The following PKHD1L1 variants were observed in gnomAD, a reference collection of about 807,000 sequenced individuals.
PKHD1L1 encodes the protein PKHD1 like 1, also known as fibrocystin-L.
In PKHD1L1, 434 loss-of-function variants were observed where a neutral mutation model predicts 462.9. The ratio of observed to expected loss-of-function variants is 0.94; its 90% CI spans 0.87 to 1.02. The LOEUF is 1.02. Among genes scored for constraint, PKHD1L1 ranks in the 50% least tolerant of loss-of-function variants. The probability of loss-of-function intolerance (pLI) is 0.00; values close to 1 mark genes in which losing one functional copy is unlikely to be tolerated. For missense variants in PKHD1L1, 5,202 were observed against 5,096.1 expected, an observed-to-expected ratio of 1.02 and a Z score of -0.63; for synonymous variants, 1,781 against 1,750.0, an observed-to-expected ratio of 1.02 and a Z score of -0.44.
chr8:109,457,495 T>C (rs1009254700), intron 46 of PKHD1L1, among the ~76,000 whole-genome samples: 3 of 152,164 alleles, frequency 2.0e-5, no homozygotes, highest in African/African-American at 7.2e-5. Flanking sequence ...AATCTAATTG[T>C]TCACTGTGTC....
At chr8:109,462,620 C>T (rs1817203147) in intron 48 of PKHD1L1, among the ~76,000 whole-genome samples, 1 of 152,120 alleles carries the variant, frequency 6.6e-6, no homozygotes, top group South Asian at 2.1e-4. Flanking sequence ...CAGCTCACTG[C>T]AACTTCCACC....
At chr8:109,415,904 T>G (rs1814143384) in intron 21 of PKHD1L1, among the ~76,000 whole-genome samples, 1 of 148,014 alleles carries the variant, frequency 6.8e-6, no homozygotes, top group South Asian at 2.1e-4. Flanking sequence ...TGTGTGTGTG[T>G]GTAGGAAATC....
Position 109,427,108 on chromosome 8 carries a change from G to A in PKHD1L1, c.2952G>A (p.Ala984=), listed in dbSNP as rs894397230. ...GAGAGGGAACCTGTGCTGGCTACGC[G>A]TGGAACATCAAATGGAGAAGCACCT... The part of the protein sequence containing the change: ...VTREGTCAGY[A]WNIKWRSTCG... Residue 984 remains alanine, a synonymous_variant, in exon 25 of 78, where the codon GCG becomes GCA. Coordinates refer to ENST00000378402, the MANE Select transcript of PKHD1L1 (RefSeq NM_177531.6). 18 of 1,613,804 alleles carry A rather than the reference G, an allele frequency of 1.1e-5. No individual in the cohort carries two copies. Among genetic ancestry groups the A allele is most frequent in the African/African-American group, 1.3e-5 (1 of 74,936 alleles).
Position 109,410,726 on chromosome 8 carries a change from C to CTTTTTTTTTTTTTTTTTTTTTTT in PKHD1L1, c.2085+769_2085+770insTTTTTTTTTTTTTTTTTTTTTTT, listed in dbSNP as rs71303459. On this transcript the variant is annotated intron_variant, in intron 19 of 77. Transcript: ENST00000378402. ...TTCTTTTTTCTTTTCTTTTCTTTTTCTTTTTTTTTTTTTTTTTTTTTGAGA... is the reference window on the plus strand; with the variant it reads ...TTCTTTTTTCTTTTCTTTTCTTTTTCTTTTTTTTTTTTTTTTTTTTTTTTTTTTTTTTTTTTTTTTTTTTGAGA... 9.2e-4 allele frequency among the ~76,000 whole-genome samples: 63 copies of CTTTTTTTTTTTTTTTTTTTTTTT among 68,384 alleles called. 5 individuals are homozygous for CTTTTTTTTTTTTTTTTTTTTTTT. Among genetic ancestry groups the CTTTTTTTTTTTTTTTTTTTTTTT allele is most frequent in the African/African-American group, 2.9e-3 (35 of 12,264 alleles). 44.9% of individuals were successfully genotyped at this position (68,384 alleles called of 152,430 possible).
chr8:109,410,726 C>CTTTTTTTTTTTTT (rs71303459), intron 19 of PKHD1L1, among the ~76,000 whole-genome samples: 28 of 68,384 alleles, frequency 4.1e-4, no homozygotes, highest in African/African-American at 5.7e-4. Flanking sequence ...TTTTCTTTTT[C>CTTTTTTTTTTTTT]TTTTTTTTTT....
At chr8:109,466,439 C>A in intron 49 of PKHD1L1, 139 bp from the exon 50 acceptor site, 1 of 810,284 alleles carries the variant, frequency 1.2e-6, no homozygotes, top group Non-Finnish European at 1.8e-6. Context: ...TTGCTCCATG[C>A]AAACAAGCAA....
rs1212598362 is a variant in PKHD1L1, at chr8:109,526,890, C to T, written c.12591C>T (p.Ser4197=). 1.9e-6 allele frequency: 3 copies of T among 1,610,918 alleles called. No individual in the cohort carries two copies. Among genetic ancestry groups the T allele is most frequent in the Middle Eastern group, 1.6e-4 (1 of 6,078 alleles). The change falls in exon 77 of 78, where the codon AGC becomes AGT. Residue 4197 remains serine (S), a synonymous_variant. Coordinates refer to ENST00000378402, the MANE Select transcript of PKHD1L1 (RefSeq NM_177531.6). ...TCTCTAGCAGTGGCAGCAGCAGCAG[C>T]AGCAACAGCAAAGCATCAACTGTGG... ...ESVSSSGSSS[S]SNSKASTVGT...
In PKHD1L1 at chr8:109,442,090, C is replaced by A; in HGVS notation, c.4288C>A (p.Pro1430Thr). 1.2e-6 allele frequency: 2 copies of A among 1,613,384 alleles called. No homozygotes were observed. Among genetic ancestry groups the A allele is most frequent in the Non-Finnish European group, 1.7e-6 (2 of 1,179,554 alleles). The change falls in exon 35 of 78, where the codon CCG becomes ACG. Residue 1430 changes from proline to threonine, a missense_variant. By Grantham distance (38) the Pro-to-Thr change is conservative (BLOSUM62 -1). This residue lies in a region of PKHD1L1 where 4,497 missense variants were observed against 4,336.8 expected (regional missense o/e 1.04). Transcript: ENST00000378402. ...AGTGGCATGGCATTGGCAAACACAT[C>A]CGTTTCTTAGAGGGATAGGATATAG... ...DTVAWHWQTHPFLRGIGYRIF... is the reference protein window; with the variant it reads ...DTVAWHWQTHTFLRGIGYRIF...
chr8:109,522,073 AGAATTCTATAATGT>A (rs1820578102), intron 73 of PKHD1L1, 99 bp from the exon 74 acceptor site: 3 of 1,088,636 alleles, frequency 2.8e-6, no homozygotes, highest in Non-Finnish European at 3.8e-6. Flanking sequence ...AGAAAGCCTT[AGAATTCTATAATGT>A]GATGGAGCAA....
intron 77 of PKHD1L1, among the ~76,000 whole-genome samples, chr8:109,527,736 C>A (rs2131050206): frequency 6.6e-6 from 1 of 152,248 alleles, no homozygotes; most frequent in Non-Finnish European, 1.5e-5. Context: ...TGGCTCCACT[C>A]TCTTTGGTGT....
intron 28 of PKHD1L1, among the ~76,000 whole-genome samples, chr8:109,434,870 A>G (rs1815310976): frequency 1.3e-5 from 2 of 148,902 alleles, no homozygotes; most frequent in Admixed American, 1.3e-4. Context: ...TAAATAAATG[A>G]GCTTATAAAC....
In PKHD1L1 at chr8:109,465,254, AT is replaced by A. The variant is rs1283605543; in HGVS notation, c.8413+15del. 1 of 1,600,936 alleles carries A rather than the reference AT, an allele frequency of 6.2e-7. No homozygotes were observed. The highest frequency in any genetic ancestry group is 1.3e-5 in the African/African-American group (1 of 74,436). The stretch of plus-strand genomic sequence containing the variant: ...TGATGGCTCACTTACAGGTAATGTT[AT>A]TTTTTAATTTGTGATAAAAATCCAT... On this transcript the variant is annotated intron_variant, in intron 49 of 77. Transcript: ENST00000378402.
chr8:109,498,946 C>T, intron 67 of PKHD1L1, 175 bp downstream of exon 67: 1 of 631,032 alleles, frequency 1.6e-6, no homozygotes, highest in Non-Finnish European at 2.7e-6. Context: ...GGTTTCTTGG[C>T]AGGATTCTTA....
rs372184435 is a variant in PKHD1L1 at position 109,481,511 on chromosome 8, A to G, written c.9406A>G (p.Thr3136Ala). ...LKIVLRGNHT[T>A]QDWALPEGPN... ...GATTGTTCTTAGAGGAAATCATACT[A>G]CACAAGACTGGGCTCTTCCAGAAGG... Residue 3136 changes from threonine (T) to alanine (A), a missense_variant, in exon 56 of 78, where the codon ACA (threonine) becomes GCA (alanine). Around this residue, in one of 3 missense-constraint regions of PKHD1L1, gnomAD observed 4,497 missense variants for 4,336.8 expected, o/e 1.04. Coordinates refer to ENST00000378402, the MANE Select transcript of PKHD1L1 (RefSeq NM_177531.6). The G allele has an allele frequency of 4.4e-6, 7 of 1,596,330 alleles. No homozygotes were observed. Among genetic ancestry groups the G allele is most frequent in the Non-Finnish European group, 6.0e-6 (7 of 1,170,446 alleles).
chr8:109,471,596 C>CT (rs1391829484), intron 50 of PKHD1L1, among the ~76,000 whole-genome samples: 18 of 152,174 alleles, frequency 1.2e-4, no homozygotes, highest in Non-Finnish European at 2.1e-4. Flanking sequence ...GAATTTGGTT[C>CT]ACATGTGTTA....
At chr8:109,428,639 C>T (rs1216170588) in intron 25 of PKHD1L1, among the ~76,000 whole-genome samples, 1 of 152,138 alleles carries the variant, frequency 6.6e-6, no homozygotes, top group Non-Finnish European at 1.5e-5. Flanking sequence ...CCCTTGGTGT[C>T]TCTGCTGGTG....
chr8:109,521,181 G>A (rs1174650128), intron 73 of PKHD1L1, among the ~76,000 whole-genome samples: 1 of 152,150 alleles, frequency 6.6e-6, no homozygotes, highest in Non-Finnish European at 1.5e-5. Context: ...TGTCATGTCA[G>A]ACCTGCTGGC....
At chr8:109,415,000 TATTATTATTA>T (rs1563751521) in intron 21 of PKHD1L1, among the ~76,000 whole-genome samples, 15 of 130,566 alleles carry the variant, frequency 1.1e-4, no homozygotes, top group African/African-American at 3.5e-4. Flanking sequence ...TTATTATTAT[TATTATTATTA>T]TTTTTGAGAC....
intron 72 of PKHD1L1, 35 bp from the exon 73 acceptor site, chr8:109,518,132 C>T: frequency 2.3e-6 from 3 of 1,303,006 alleles, no homozygotes; most frequent in Non-Finnish European, 3.2e-6. Flanking sequence ...ATATAAAATA[C>T]TTAGCTGTGA....
Sources: gnomAD v4.1 joint callset for allele counts (sites outside exome capture counted in the v4.1 genomes callset) on GRCh38, gnomAD v4.1.1 for gene constraint, gnomAD v4.1.1 regional missense constraint, MANE v1.5 for transcripts, NCBI Gene and HGNC (gene_info 2026-07-23, HGNC 2026-07-21) for gene names.